Variants in PDE1C observed in about 807,000 individuals in gnomAD.
PDE1C encodes the protein phosphodiesterase 1C.
PDE1C carries 62 observed loss-of-function variants against 93.1 expected under a neutral mutation model. The ratio of observed to expected loss-of-function variants is 0.67; its 90% CI spans 0.54 to 0.82. The LOEUF (loss-of-function observed/expected upper bound fraction) is 0.82, where lower values mean the gene tolerates loss of function less well. Among genes scored for constraint, PDE1C ranks in the 40% least tolerant of loss-of-function variants. The pLI, the probability that PDE1C is intolerant of heterozygous loss-of-function variation, is 0.00. For synonymous variants in PDE1C, 325 were observed against 310.1 expected (o/e 1.05, Z -0.50); for missense variants, 742 against 884.6 (o/e 0.84, Z 2.04).
chr7:31,718,160 G>A, the PDE1C span, among the ~76,000 whole-genome samples: 6 of 152,204 alleles, frequency 3.9e-5, no homozygotes, highest in Middle Eastern at 3.4e-3. Flanking sequence ...TGGACTGCAC[G>A]GTCATGGGCA....
At chr7:31,684,696 C>T in the PDE1C span, among the ~76,000 whole-genome samples, 1 of 152,062 alleles carries the variant, frequency 6.6e-6, no homozygotes, top group Non-Finnish European at 1.5e-5. Context: ...GCACAGAATG[C>T]AAATTAAAAC....
chr7:32,091,809 G>A (rs1237245226), intron 3 of PDE1C, among the ~76,000 whole-genome samples: 1 of 152,164 alleles, frequency 6.6e-6, no homozygotes. Context: ...TGTGACTTCC[G>A]TTTATAAAAA....
chr7:32,181,673 A>G (rs1248225020), intron 2 of PDE1C, among the ~76,000 whole-genome samples: 1 of 152,094 alleles, frequency 6.6e-6, no homozygotes, highest in Non-Finnish European at 1.5e-5. Flanking sequence ...AATTTATAGC[A>G]CTAAATGCCC....
chr7:31,965,128 GAGA>G (rs1216271234), intron 2 of PDE1C, among the ~76,000 whole-genome samples: 19 of 152,300 alleles, frequency 1.2e-4, no homozygotes, highest in African/African-American at 4.1e-4. Context: ...GACGAGTTGA[GAGA>G]AGAAGGCTTC....
chr7:32,287,978 A>T (rs1033966916), intron 1 of PDE1C, among the ~76,000 whole-genome samples: 9 of 152,172 alleles, frequency 5.9e-5, no homozygotes, highest in Non-Finnish European at 1.0e-4. Flanking sequence ...CTAGGCAGGC[A>T]GATCACTTGA....
At chr7:32,112,840 G>GTATATATATATATA (rs1563322964) in intron 3 of PDE1C, among the ~76,000 whole-genome samples, 9 of 53,664 alleles carry the variant, frequency 1.7e-4, no homozygotes, top group African/African-American at 7.6e-4. Context: ...GTGTGTGTGT[G>GTATATATATATATA]TGTGTGTATA....
intron 1 of PDE1C, among the ~76,000 whole-genome samples, chr7:32,218,905 C>T (rs75743868): frequency 6.6e-6 from 1 of 152,174 alleles, no homozygotes; most frequent in Non-Finnish European, 1.5e-5. Flanking sequence ...ATCTGTTGGG[C>T]TCCCTCCTCA....
the PDE1C span, among the ~76,000 whole-genome samples, chr7:31,631,665 C>T: frequency 5.9e-5 from 9 of 151,794 alleles, no homozygotes; most frequent in East Asian, 1.9e-4. Flanking sequence ...CCTGGAGCAA[C>T]GGAAGGAAGG....
At chr7:31,699,027 A>C in the PDE1C span, among the ~76,000 whole-genome samples, 1 of 152,196 alleles carries the variant, frequency 6.6e-6, no homozygotes, top group Non-Finnish European at 1.5e-5. Flanking sequence ...ACAAACCCCA[A>C]AGAAAAAGTC....
At chr7:32,206,854 G>C (rs56188619) in intron 2 of PDE1C, among the ~76,000 whole-genome samples, 1 of 152,088 alleles carries the variant, frequency 6.6e-6, no homozygotes, top group Non-Finnish European at 1.5e-5. Context: ...TTCACACAGC[G>C]CACTCAAGTC....
At chr7:32,295,473 C>T (rs1241873966) in intron 1 of PDE1C, among the ~76,000 whole-genome samples, 1 of 152,210 alleles carries the variant, frequency 6.6e-6, no homozygotes, top group Non-Finnish European at 1.5e-5. Flanking sequence ...GCTGTCGAAA[C>T]ATTGCTGGTG....
chr7:32,131,147 T>A (rs1799899410), intron 3 of PDE1C, among the ~76,000 whole-genome samples: 2 of 151,890 alleles, frequency 1.3e-5, no homozygotes. Flanking sequence ...GTCTCAGGAG[T>A]TTTAAATTCA....
At chr7:31,646,973 T>C in the PDE1C span, among the ~76,000 whole-genome samples, 7 of 152,366 alleles carry the variant, frequency 4.6e-5, no homozygotes, top group South Asian at 1.4e-3. Context: ...TGAATTTCCC[T>C]TTATTAACAT....
intron 3 of PDE1C, among the ~76,000 whole-genome samples, chr7:32,115,730 C>G (rs1346204257): frequency 1.3e-5 from 2 of 152,176 alleles, no homozygotes; most frequent in Non-Finnish European, 2.9e-5. Context: ...TTATGGGATA[C>G]AATTATAAAT....
intron 3 of PDE1C, among the ~76,000 whole-genome samples, chr7:32,117,775 T>G (rs918773209): frequency 6.6e-6 from 1 of 152,228 alleles, no homozygotes; most frequent in Non-Finnish European, 1.5e-5. Flanking sequence ...CTTTCCTGAA[T>G]GACTAAAGAA....
chr7:31,624,068 T>C, the PDE1C span, among the ~76,000 whole-genome samples: 1 of 150,798 alleles, frequency 6.6e-6, no homozygotes, highest in South Asian at 2.1e-4. Flanking sequence ...TTACAAGGGA[T>C]GTGAAGGACC....
chr7:31,964,544 A>T (rs1432276882), intron 2 of PDE1C, among the ~76,000 whole-genome samples: 1 of 152,204 alleles, frequency 6.6e-6, no homozygotes, highest in African/African-American at 2.4e-5. Flanking sequence ...GGCACAGACA[A>T]ACAAAAGGCA....
chr7:31,846,526 C>G (rs1792626567), intron 9 of PDE1C, among the ~76,000 whole-genome samples: 1 of 152,026 alleles, frequency 6.6e-6, no homozygotes, highest in Non-Finnish European at 1.5e-5. Flanking sequence ...CATAAAAACC[C>G]TAGAAGAAAA....
intron 17 of PDE1C, among the ~76,000 whole-genome samples, chr7:31,764,550 C>A (rs1795025130): frequency 6.6e-6 from 1 of 152,136 alleles, no homozygotes; most frequent in South Asian, 2.1e-4. Context: ...GAGTTCCAGT[C>A]CCTGAATTTT....
Sources: allele counts gnomAD v4.1 joint callset (sites outside exome capture counted in the v4.1 genomes callset), GRCh38; gene constraint gnomAD v4.1.1; transcripts MANE v1.5; gene names NCBI Gene and HGNC (gene_info 2026-07-23, HGNC 2026-07-21).